MYO18B: variants seen among roughly 807,000 people sequenced by gnomAD.
MYO18B encodes unconventional myosin-XVIIIb.
A neutral mutation model predicts 273.0 loss-of-function variants in MYO18B; 204 were observed. That is an observed-to-expected ratio of 0.75 (90% CI 0.67 to 0.84). The LOEUF (loss-of-function observed/expected upper bound fraction) is 0.84. MYO18B is among the 40% of genes least tolerant of loss of function. The pLI, the probability that MYO18B is intolerant of heterozygous loss-of-function variation, is 0.00. For synonymous variants in MYO18B, 1,330 were observed against 1,305.7 expected, an observed-to-expected ratio of 1.02 and a Z score of -0.40; for missense variants, 3,212 against 3,287.6, an observed-to-expected ratio of 0.98 and a Z score of 0.56.
At chr22:25,850,898 A>G (rs899387239) in intron 20 of MYO18B, among the ~76,000 whole-genome samples, 10 of 152,022 alleles carry the variant, frequency 6.6e-5, no homozygotes, top group African/African-American at 2.4e-4. Flanking sequence ...ATCTAATGTC[A>G]TTTTCTCCCA....
At chr22:26,042,948 T>C in the MYO18B span, among the ~76,000 whole-genome samples, 1 of 152,200 alleles carries the variant, frequency 6.6e-6, no homozygotes, top group Non-Finnish European at 1.5e-5. Flanking sequence ...TTGCGTGCAA[T>C]GAAATTGCTG....
chr22:25,818,414 C>T (rs572863874), intron 12 of MYO18B, among the ~76,000 whole-genome samples: 29 of 152,340 alleles, frequency 1.9e-4, no homozygotes, highest in African/African-American at 7.0e-4. Context: ...GCAGAAATCA[C>T]ATCTTGTACC....
At chr22:25,974,019 C>T (rs1051110660) in intron 39 of MYO18B, among the ~76,000 whole-genome samples, 14 of 152,154 alleles carry the variant, frequency 9.2e-5, no homozygotes, top group South Asian at 6.2e-4. Context: ...AGGAGGCAAA[C>T]GTTATCATCT....
the MYO18B span, among the ~76,000 whole-genome samples, chr22:26,062,540 G>A: frequency 1.3e-5 from 2 of 152,110 alleles, no homozygotes; most frequent in East Asian, 1.9e-4. Flanking sequence ...CAGTCAAGTC[G>A]GAAACTGGTT....
chr22:26,051,742 T>C, the MYO18B span, among the ~76,000 whole-genome samples: 1 of 152,244 alleles, frequency 6.6e-6, no homozygotes, highest in African/African-American at 2.4e-5. Flanking sequence ...ATATTTTTAA[T>C]GCATGGACAA....
chr22:25,932,357 C>T (rs2092515075), intron 34 of MYO18B, among the ~76,000 whole-genome samples: 1 of 150,850 alleles, frequency 6.6e-6, no homozygotes, highest in South Asian at 2.1e-4. Context: ...TTCTTTCTTC[C>T]CTTTCTTTCT....
chr22:25,870,711 C>T (rs1369703180), intron 22 of MYO18B, among the ~76,000 whole-genome samples: 4 of 152,132 alleles, frequency 2.6e-5, no homozygotes, highest in African/African-American at 9.7e-5. Context: ...CAGCATCGCC[C>T]AACAGCTTGC....
In MYO18B at chr22:25,847,448, A is replaced by G. The variant is rs1215893007; in HGVS notation, c.3571A>G (p.Ile1191Val). ...GGTCTAGGATGCGCTGACCAGCATG[A>G]TCAAAAGGTCCCGGCTGCACTTTAT... ...KLQMDALTSM[I>V]KRSRLHFIHC... Residue 1191 changes from isoleucine to valine, a missense_variant, in exon 20 of 44, where the codon ATC (isoleucine) becomes GTC (valine). Ile to Val is a conservative substitution (Grantham distance 29). Coordinates refer to ENST00000335473, the MANE Select transcript of MYO18B (RefSeq NM_032608.7). 1.9e-6 allele frequency: 3 copies of G among 1,572,524 alleles called. No individual in the cohort carries two copies. Among genetic ancestry groups the G allele is most frequent in the Non-Finnish European group, 2.6e-6 (3 of 1,158,622 alleles).
intron 21 of MYO18B, among the ~76,000 whole-genome samples, chr22:25,853,415 G>A (rs1347793648): frequency 6.6e-6 from 1 of 152,224 alleles, no homozygotes. Context: ...AACTCACTAT[G>A]GAGGGGACAT....
In MYO18B at chr22:25,760,766, G is replaced by T. The variant is rs192012514; in HGVS notation, c.-109-218G>T. ...TTTTCTGGTTGTATAAACGTGTGGG[G>T]CCAAGAGGAAGAATATTTCAGGGCA... On this transcript the variant is annotated intron_variant, in intron 1 of 43. Coordinates refer to ENST00000335473, the MANE Select transcript of MYO18B (RefSeq NM_032608.7). 9.2e-5 allele frequency among the ~76,000 whole-genome samples: 14 copies of T among 152,338 alleles called. No individual in the cohort carries two copies. In the East Asian group the frequency reaches 2.5e-3, roughly 27 times the overall value.
chr22:25,852,287 C>T (rs1235216799), intron 21 of MYO18B, among the ~76,000 whole-genome samples: 3 of 152,214 alleles, frequency 2.0e-5, no homozygotes, highest in Non-Finnish European at 4.4e-5. Context: ...TACCATTCTT[C>T]ATCACATCCT....
intron 12 of MYO18B, among the ~76,000 whole-genome samples, chr22:25,818,109 T>G (rs1360357836): frequency 1.3e-5 from 2 of 152,214 alleles, no homozygotes; most frequent in Non-Finnish European, 2.9e-5. Flanking sequence ...TCTCCTAATC[T>G]CCTTGCCTCC....
chr22:25,824,310 G>GA (rs1215893624), intron 13 of MYO18B, among the ~76,000 whole-genome samples: 82 of 152,130 alleles, frequency 5.4e-4, no homozygotes, highest in African/African-American at 1.9e-3. Context: ...TGGAGACGGG[G>GA]CGAGGTGGAC....
chr22:26,003,184 T>C, intron 40 of MYO18B, 81 bp from the exon 41 acceptor site: 1 of 1,288,288 alleles, frequency 7.8e-7, no homozygotes, highest in Non-Finnish European at 1.1e-6. Context: ...TTCACACTCA[T>C]GTCTGTCTAA....
intron 39 of MYO18B, among the ~76,000 whole-genome samples, chr22:25,963,150 T>C: frequency 7.4e-6 from 1 of 135,520 alleles, no homozygotes; most frequent in Non-Finnish European, 1.5e-5. Flanking sequence ...TCTCTCTCTC[T>C]CCTCTTTCTC....
chr22:26,004,451 G>C (rs1045863639), intron 41 of MYO18B, among the ~76,000 whole-genome samples: 1 of 152,178 alleles, frequency 6.6e-6, no homozygotes, highest in Admixed American at 6.5e-5. Flanking sequence ...ATGGGCATTG[G>C]AATAAAAAGG....
At chr22:25,921,447 G>C in intron 34 of MYO18B, 38 bp downstream of exon 34, 2 of 1,582,676 alleles carry the variant, frequency 1.3e-6, no homozygotes. Context: ...TCAGGCTGGG[G>C]AGGATGCTAC....
chr22:25,774,583 C>T (rs796299029), intron 7 of MYO18B, among the ~76,000 whole-genome samples: 14 of 152,282 alleles, frequency 9.2e-5, no homozygotes, highest in African/African-American at 2.2e-4. Flanking sequence ...GGGTGGGGTG[C>T]GGCACTGGTC....
Position 25,830,516 on chromosome 22 carries a change from G to A in MYO18B, c.2979+1548G>A, listed in dbSNP as rs369567101. ...GATGATCTTGGCAGGGCTCGCTCAT[G>A]CGTGGGATCAGCTGGCCATGAACGG... On this transcript the variant is annotated intron_variant, in intron 15 of 43. Coordinates refer to ENST00000335473, the MANE Select transcript of MYO18B (RefSeq NM_032608.7). Among the ~76,000 whole-genome samples the A allele has an allele frequency of 2.0e-5, 3 of 152,316 alleles. No homozygotes were observed. The East Asian group carries it at 5.8e-4, about 29-fold the overall frequency.
Sources: gnomAD v4.1 joint callset for allele counts (sites outside exome capture counted in the v4.1 genomes callset) on GRCh38, gnomAD v4.1.1 for gene constraint, MANE v1.5 for transcripts, NCBI Gene and HGNC (gene_info 2026-07-23, HGNC 2026-07-21) for gene names.